STX8: variants seen among roughly 807,000 people sequenced by gnomAD.
STX8 encodes the protein syntaxin 8.
Under a neutral mutation model 37.5 loss-of-function variants are expected in STX8, and 23 were observed. That is an observed-to-expected ratio of 0.61 (90% CI 0.44 to 0.87). The LOEUF (loss-of-function observed/expected upper bound fraction) is 0.87. Ranked by LOEUF, STX8 falls within the 40% of genes least tolerant of loss-of-function variation. STX8 has a pLI of 0.00. For synonymous variants in STX8, 115 were observed against 99.1 expected (o/e 1.16, Z -0.95); for missense variants, 313 against 284.7 (o/e 1.10, Z -0.71).
intron 2 of STX8, among the ~76,000 whole-genome samples, chr17:9,567,746 G>C (rs1399889551): frequency 6.6e-6 from 1 of 152,148 alleles, no homozygotes; most frequent in Non-Finnish European, 1.5e-5. Flanking sequence ...GAGTGCAGTG[G>C]CACGATCTTA....
At chr17:9,346,144 G>A (rs1044286285) in intron 7 of STX8, among the ~76,000 whole-genome samples, 10 of 151,996 alleles carry the variant, frequency 6.6e-5, no homozygotes, top group Non-Finnish European at 1.3e-4. Flanking sequence ...GAGCCACCAC[G>A]CCCGGCCGGC....
chr17:9,570,230 C>T lies in STX8; in HGVS notation c.18-1760G>A, dbSNP rs555710010. Among the ~76,000 whole-genome samples, 8 of 151,878 alleles carry T rather than the reference C, an allele frequency of 5.3e-5. No homozygotes were observed. The South Asian group carries it at 1.3e-3, about 24-fold the overall frequency. ...GTTTTTTTTTAAATGAAGGAAAATG[C>T]GCCCATCAATTCCCTTAGGAATCTT... On this transcript the variant is annotated intron_variant, in intron 1 of 7. Coordinates refer to ENST00000306357, the MANE Select transcript of STX8 (RefSeq NM_004853.3).
At chr17:9,312,670 A>T (rs1446237582) in intron 7 of STX8, among the ~76,000 whole-genome samples, 2 of 152,188 alleles carry the variant, frequency 1.3e-5, no homozygotes, top group African/African-American at 4.8e-5. Flanking sequence ...GAATTATGAG[A>T]CGGAAGGTCA....
At chr17:9,477,978 C>T (rs9910381) in intron 6 of STX8, among the ~76,000 whole-genome samples, 4,263 of 152,192 alleles carry the variant, frequency 0.028, 211 homozygotes, top group African/African-American at 0.098. Context: ...CATATCCACA[C>T]GGGTGTGGAA....
chr17:9,438,184 A>G (rs904679053), intron 6 of STX8, among the ~76,000 whole-genome samples: 6 of 146,088 alleles, frequency 4.1e-5, no homozygotes, highest in Admixed American at 3.5e-4. Context: ...CGGAGGTTGC[A>G]GTGAGCCGAG....
intron 3 of STX8, among the ~76,000 whole-genome samples, chr17:9,550,261 C>A (rs990932854): frequency 6.7e-6 from 1 of 150,290 alleles, no homozygotes; most frequent in African/African-American, 2.4e-5. Flanking sequence ...CAGTCAGTGG[C>A]CAGTGCTGGG....
intron 6 of STX8, chr17:9,452,339 C>G (rs757830415): frequency 2.7e-5 from 4 of 149,054 alleles, no homozygotes; most frequent in Non-Finnish European, 5.9e-5. Flanking sequence ...AAAATCTCTT[C>G]TATCTTTAAT....
At chr17:9,391,282 T>G (rs1912210261) in intron 6 of STX8, among the ~76,000 whole-genome samples, 1 of 129,002 alleles carries the variant, frequency 7.8e-6, no homozygotes, top group Admixed American at 7.1e-5. Flanking sequence ...GGTGAAACCC[T>G]GTCTACTAAA....
chr17:9,565,673 G>A (rs560656742), intron 2 of STX8, among the ~76,000 whole-genome samples: 5 of 149,962 alleles, frequency 3.3e-5, no homozygotes, highest in East Asian at 2.0e-4. Context: ...ACAACTATCC[G>A]AGCTTTGACA....
chr17:9,267,187 A>G (rs1907260350), intron 7 of STX8, among the ~76,000 whole-genome samples: 1 of 152,234 alleles, frequency 6.6e-6, no homozygotes, highest in Non-Finnish European at 1.5e-5. Context: ...TGTTCAGACC[A>G]TGGCACTGTC....
chr17:9,378,303 C>CA, intron 7 of STX8: 1 of 407,946 alleles, frequency 2.5e-6, no homozygotes, highest in Non-Finnish European at 4.6e-6. Context: ...TCTGTAAACA[C>CA]ACAGAAAGGA....
At chr17:9,492,329 A>T (rs948553398) in intron 5 of STX8, among the ~76,000 whole-genome samples, 1 of 152,236 alleles carries the variant, frequency 6.6e-6, no homozygotes, top group African/African-American at 2.4e-5. Flanking sequence ...TAAAAATACA[A>T]ATAAAAAACT....
chr17:9,412,620 G>C (rs1379760196), intron 6 of STX8, among the ~76,000 whole-genome samples: 1 of 152,108 alleles, frequency 6.6e-6, no homozygotes, highest in African/African-American at 2.4e-5. Flanking sequence ...ATAAAGCAGA[G>C]TGGAAGTTAC....
At chr17:9,383,269 T>C in intron 6 of STX8, among the ~76,000 whole-genome samples, 1 of 152,180 alleles carries the variant, frequency 6.6e-6, no homozygotes. Context: ...CAAAAGTTTT[T>C]AGGATGCTAC....
chr17:9,354,962 C>T (rs1265433965), intron 7 of STX8, among the ~76,000 whole-genome samples: 2 of 152,158 alleles, frequency 1.3e-5, no homozygotes, highest in Non-Finnish European at 2.9e-5. Context: ...TGCAATACTA[C>T]CACCCCTGTT....
intron 4 of STX8, among the ~76,000 whole-genome samples, chr17:9,535,999 C>T (rs1748256483): frequency 6.6e-6 from 1 of 152,088 alleles, no homozygotes; most frequent in Non-Finnish European, 1.5e-5. Flanking sequence ...GATATGTTAC[C>T]ATGTGTGTAA....
chr17:9,542,944 C>G (rs1166021178), intron 4 of STX8, among the ~76,000 whole-genome samples: 1 of 152,008 alleles, frequency 6.6e-6, no homozygotes, highest in African/African-American at 2.4e-5. Context: ...AAGCGGGGAC[C>G]AAAAACTAAC....
intron 7 of STX8, among the ~76,000 whole-genome samples, chr17:9,280,050 A>G (rs1907825892): frequency 6.6e-6 from 1 of 152,124 alleles, no homozygotes. Context: ...GTGAAACCTC[A>G]TTTCTATAAA....
intron 7 of STX8, among the ~76,000 whole-genome samples, chr17:9,278,225 A>G (rs529200595): frequency 6.6e-6 from 1 of 152,358 alleles, no homozygotes; most frequent in East Asian, 1.9e-4. Context: ...AGGCAGGTGG[A>G]TCACCTGAGG....
Sources: gnomAD v4.1 joint callset for allele counts (sites outside exome capture counted in the v4.1 genomes callset) on GRCh38, gnomAD v4.1.1 for gene constraint, MANE v1.5 for transcripts, NCBI Gene and HGNC (gene_info 2026-07-23, HGNC 2026-07-21) for gene names.